The following CEP83 variants were observed in gnomAD, a reference collection of about 807,000 sequenced individuals.
CEP83 encodes centrosomal protein 83.
CEP83 carries 70 observed loss-of-function variants against 101.9 expected under a neutral mutation model. The ratio of observed to expected loss-of-function variants is 0.69; its 90% CI spans 0.57 to 0.84. The LOEUF (loss-of-function observed/expected upper bound fraction) is 0.84. CEP83 is among the 40% of genes least tolerant of loss of function. The probability of loss-of-function intolerance (pLI) is 0.00; values close to 1 mark genes in which losing one functional copy is unlikely to be tolerated. For missense variants in CEP83, 715 were observed against 787.2 expected, an observed-to-expected ratio of 0.91 and a Z score of 1.10; for synonymous variants, 264 against 267.9, an observed-to-expected ratio of 0.99 and a Z score of 0.14.
intron 2 of CEP83, among the ~76,000 whole-genome samples, chr12:94,432,153 C>T (rs1361132306): frequency 2.0e-5 from 3 of 151,680 alleles, no homozygotes; most frequent in Non-Finnish European, 2.9e-5. Flanking sequence ...CTCCCAGGTT[C>T]ACACCATTCT....
In CEP83 at chr12:94,411,847, C is replaced by G; in HGVS notation, c.174G>C (p.Arg58Ser). The stretch of plus-strand genomic sequence containing the variant: ...GTAACTTTACATGTTCATTCTGCAA[C>G]CTGGTTTTTTTTAAAGAGAATTCAA... ...NYQTLKAEHT[R>S]LQNEHVKLQN... is the part of the protein sequence containing the mutation. The change falls in exon 4 of 17, where the codon AGG becomes AGC. Residue 58 changes from arginine to serine, a missense_variant and splice_region_variant. Arg to Ser is a moderately radical substitution (Grantham distance 110). Coordinates refer to ENST00000397809, the MANE Select transcript of CEP83 (RefSeq NM_016122.3). 2.5e-6 allele frequency: 4 copies of G among 1,607,876 alleles called. No homozygotes were observed. Among genetic ancestry groups the G allele is most frequent in the Non-Finnish European group, 3.4e-6 (4 of 1,178,268 alleles).
intron 8 of CEP83, among the ~76,000 whole-genome samples, chr12:94,371,378 G>A (rs535749133): frequency 1.6e-4 from 25 of 152,234 alleles, no homozygotes; most frequent in African/African-American, 4.6e-4. Context: ...GTCTGTGTGC[G>A]CATGTGCACA....
At chr12:94,282,330 C>T in the CEP83 span, 3 of 1,614,006 alleles carry the variant, frequency 1.9e-6, no homozygotes, top group Non-Finnish European at 2.5e-6. Flanking sequence ...GAAAGAACTT[C>T]TGGACATCGA....
At chr12:94,412,654 G>A (rs1186177976) in intron 2 of CEP83, 63 bp from the exon 3 acceptor site, 8 of 423,506 alleles carry the variant, frequency 1.9e-5, no homozygotes, top group African/African-American at 1.8e-4. Flanking sequence ...CTCCTTTAAT[G>A]TTACATATTT....
chr12:94,347,193 C>A (rs530421006), intron 11 of CEP83, among the ~76,000 whole-genome samples: 1 of 151,596 alleles, frequency 6.6e-6, no homozygotes, highest in South Asian at 2.1e-4. Flanking sequence ...AGCTTTTATG[C>A]GTAACACATA....
chr12:94,403,880 T>TAAAAAAAA (rs11341038), intron 4 of CEP83, among the ~76,000 whole-genome samples: 1 of 139,812 alleles, frequency 7.2e-6, no homozygotes, highest in Non-Finnish European at 1.5e-5. Flanking sequence ...ATACTAGTTG[T>TAAAAAAAA]AAAAAAAAAA....
chr12:94,328,127 A>T (rs2059048840), intron 14 of CEP83: 1 of 168,016 alleles, frequency 6.0e-6, no homozygotes, highest in Non-Finnish European at 1.3e-5. Context: ...GAATTATTTC[A>T]GAGACGTATA....
chr12:94,390,575 A>G (rs746526489), intron 6 of CEP83, among the ~76,000 whole-genome samples: 1 of 152,210 alleles, frequency 6.6e-6, no homozygotes, highest in Non-Finnish European at 1.5e-5. Flanking sequence ...TTCTCCTCCA[A>G]AGGATGGCAG....
chr12:94,370,177 T>G (rs1038358983), intron 8 of CEP83, 141 bp from the exon 9 acceptor site: 5 of 595,454 alleles, frequency 8.4e-6, no homozygotes, highest in African/African-American at 7.4e-5. Context: ...GAAGTGTCAG[T>G]GCCTGCAACA....
intron 6 of CEP83, among the ~76,000 whole-genome samples, chr12:94,395,616 G>A (rs569144060): frequency 1.4e-4 from 21 of 152,236 alleles, no homozygotes; most frequent in African/African-American, 4.6e-4. Flanking sequence ...GAGGTCAGGA[G>A]ATCAAGACCA....
At chr12:94,329,796 A>G (rs1488902157) in intron 14 of CEP83, among the ~76,000 whole-genome samples, 1 of 152,248 alleles carries the variant, frequency 6.6e-6, no homozygotes, top group Non-Finnish European at 1.5e-5. Flanking sequence ...ATCGACAGAA[A>G]GGAAGAAAAG....
intron 8 of CEP83, among the ~76,000 whole-genome samples, chr12:94,375,399 CAA>C (rs1191421450): frequency 6.6e-6 from 1 of 151,996 alleles, no homozygotes; most frequent in Non-Finnish European, 1.5e-5. Context: ...TGAGTTTGCT[CAA>C]AGAGTGAGAA....
chr12:94,450,595 C>T lies in CEP83; in HGVS notation c.-155+8962G>A, dbSNP rs1427052500. Among the ~76,000 whole-genome samples the T allele has an allele frequency of 2.6e-5, 4 of 152,224 alleles. No homozygotes were observed. The East Asian group carries it at 7.7e-4, about 29-fold the overall frequency. On this transcript the variant is annotated intron_variant, in intron 1 of 16. Coordinates refer to ENST00000397809, the MANE Select transcript of CEP83 (RefSeq NM_016122.3). ...AACAATGAACAATTTGAAATCAAAT[C>T]ATGAAAACTCCATTTCCAAGAGCAT... is the stretch of plus-strand genomic sequence containing the variant.
chr12:94,314,483 A>G (rs1970351607), intron 14 of CEP83, among the ~76,000 whole-genome samples: 1 of 152,196 alleles, frequency 6.6e-6, no homozygotes, highest in South Asian at 2.1e-4. Flanking sequence ...GTAGTCTTTT[A>G]TTAATGACTT....
At chr12:94,372,759 A>T (rs2061361214) in intron 8 of CEP83, among the ~76,000 whole-genome samples, 1 of 152,214 alleles carries the variant, frequency 6.6e-6, no homozygotes, top group South Asian at 2.1e-4. Flanking sequence ...GCAACAAGTG[A>T]GGTCTGTCTT....
intron 2 of CEP83, among the ~76,000 whole-genome samples, chr12:94,427,313 T>C (rs4761615): frequency 0.55 from 83,371 of 152,118 alleles, 22,872 homozygotes; most frequent in African/African-American, 0.57. Flanking sequence ...CAGCAATAAG[T>C]GAAAAAAAGT....
chr12:94,276,439 G>A, the CEP83 span, among the ~76,000 whole-genome samples: 1 of 151,812 alleles, frequency 6.6e-6, no homozygotes, highest in Non-Finnish European at 1.5e-5. Context: ...GGTTTCTGGA[G>A]GGTCAGGAGG....
At chr12:94,297,430 T>C in the CEP83 span, 1 of 1,600,424 alleles carries the variant, frequency 6.2e-7, no homozygotes, top group African/African-American at 1.3e-5. Context: ...CAAGGTACAC[T>C]TACTGTTCTG....
intron 14 of CEP83, among the ~76,000 whole-genome samples, chr12:94,319,524 C>T (rs1031771839): frequency 6.6e-6 from 1 of 152,088 alleles, no homozygotes; most frequent in Non-Finnish European, 1.5e-5. Context: ...ATAAATTTCC[C>T]TCATAACATT....
Sources: gnomAD v4.1 joint callset for allele counts (sites outside exome capture counted in the v4.1 genomes callset) on GRCh38, gnomAD v4.1.1 for gene constraint, MANE v1.5 for transcripts, NCBI Gene and HGNC (gene_info 2026-07-23, HGNC 2026-07-21) for gene names.